IL1RAPL1: variants seen among roughly 807,000 people sequenced by gnomAD.
IL1RAPL1 encodes interleukin 1 receptor accessory protein like 1, also known as interleukin-1 receptor accessory protein-like 1.
IL1RAPL1 carries 3 observed loss-of-function variants against 48.4 expected under a neutral mutation model. That is an observed-to-expected ratio of 0.06 (90% CI 0.03 to 0.16). The LOEUF (loss-of-function observed/expected upper bound fraction) is 0.16. Ranked by LOEUF, IL1RAPL1 falls within the 10% of genes least tolerant of loss-of-function variation. IL1RAPL1 has a pLI of 1.00. For synonymous variants in IL1RAPL1, 185 were observed against 187.7 expected, an observed-to-expected ratio of 0.99 and a Z score of 0.12; for missense variants, 349 against 530.6, an observed-to-expected ratio of 0.66 and a Z score of 3.36.
rs1177473148 is a variant in IL1RAPL1 at position 29,152,760 on chromosome X, G to A, written c.83-130178G>A. ...TTTGAAATTATGTCAATGTAGATTT[G>A]TTTCAAATGTTAATATATAGTAACC... is the stretch of plus-strand genomic sequence containing the variant. On this transcript the variant is annotated intron_variant, in intron 2 of 10. Transcript: ENST00000378993. Among the ~76,000 whole-genome samples, 4 of 112,121 alleles carry A rather than the reference G, an allele frequency of 3.6e-5. No individual in the cohort carries two copies. The East Asian group carries it at 1.1e-3, about 31-fold the overall frequency.
chrX:29,854,648 A>C (rs935089195), intron 6 of IL1RAPL1, among the ~76,000 whole-genome samples: 2 of 111,130 alleles, frequency 1.8e-5, no homozygotes, highest in African/African-American at 3.3e-5. Context: ...TATACCCTTA[A>C]GTTAATTTTT....
intron 6 of IL1RAPL1, among the ~76,000 whole-genome samples, chrX:29,736,424 C>T (rs1162956688): frequency 9.0e-6 from 1 of 111,684 alleles, no homozygotes; most frequent in African/African-American, 3.3e-5. Context: ...ACATATCACA[C>T]ATGTGTATTA....
chrX:28,948,228 A>C (rs1189046537), intron 2 of IL1RAPL1, among the ~76,000 whole-genome samples: 1 of 111,609 alleles, frequency 9.0e-6, no homozygotes, highest in Non-Finnish European at 1.9e-5. Context: ...TTATTATGTA[A>C]AATTATTTAA....
At chrX:29,799,253 T>C (rs1929821443) in intron 6 of IL1RAPL1, among the ~76,000 whole-genome samples, 1 of 112,619 alleles carries the variant, frequency 8.9e-6, no homozygotes, top group African/African-American at 3.2e-5. Context: ...GCTGTTTCGT[T>C]ATACTTTTCT....
chrX:29,016,147 TCA>T (rs1926236171), intron 2 of IL1RAPL1, among the ~76,000 whole-genome samples: 1 of 111,591 alleles, frequency 9.0e-6, no homozygotes, highest in Non-Finnish European at 1.9e-5. Flanking sequence ...GGTCTCAAAC[TCA>T]CAGAGTAGTG....
chrX:28,956,717 A>G (rs1347974367), intron 2 of IL1RAPL1, among the ~76,000 whole-genome samples: 1 of 108,919 alleles, frequency 9.2e-6, no homozygotes, highest in African/African-American at 3.4e-5. Context: ...ATTGGTCTAA[A>G]GTTCTCTTTT....
intron 2 of IL1RAPL1, among the ~76,000 whole-genome samples, chrX:29,238,924 C>G (rs1179844996): frequency 9.0e-6 from 1 of 111,643 alleles, no homozygotes; most frequent in Non-Finnish European, 1.9e-5. Flanking sequence ...ATTTTCAAAA[C>G]AAAACAAAGA....
chrX:28,790,280 T>C (rs1936520939), intron 2 of IL1RAPL1, among the ~76,000 whole-genome samples: 1 of 112,269 alleles, frequency 8.9e-6, no homozygotes, highest in Admixed American at 9.4e-5. Context: ...GATGAGATAA[T>C]GTACAAGAGG....
At chrX:29,861,931 C>A (rs1281371916) in intron 6 of IL1RAPL1, among the ~76,000 whole-genome samples, 1 of 111,007 alleles carries the variant, frequency 9.0e-6, no homozygotes, top group Non-Finnish European at 1.9e-5. Flanking sequence ...GGGTGAGGGC[C>A]ATGGCTCATG....
intron 2 of IL1RAPL1, among the ~76,000 whole-genome samples, chrX:29,094,475 T>C (rs1251386316): frequency 9.2e-6 from 1 of 108,434 alleles, no homozygotes; most frequent in Non-Finnish European, 1.9e-5. Context: ...AAACATCTAT[T>C]GGCTGGGCAT....
Position 29,803,091 on chromosome X carries a change from G to GTA in IL1RAPL1, c.779-114370_779-114369dup, listed in dbSNP as rs1324439936. Among the ~76,000 whole-genome samples the GTA allele has an allele frequency of 7.9e-5, 7 of 88,074 alleles. No individual in the cohort carries two copies. The East Asian group carries it at 1.5e-3, about 19-fold the overall frequency. The allele number at this position is 88,074 out of a possible 115,157, so 76.5% of individuals were successfully genotyped here. On this transcript the variant is annotated intron_variant, in intron 6 of 10. Transcript: ENST00000378993. ...TGCATGTATACATATATGTGTATATGTATACATGTATACATATATGTATAT... is the reference window on the plus strand; with the variant it reads ...TGCATGTATACATATATGTGTATATGTATATACATGTATACATATATGTATAT...
At chrX:29,949,915 G>C (rs765135642) in intron 9 of IL1RAPL1, among the ~76,000 whole-genome samples, 1 of 112,207 alleles carries the variant, frequency 8.9e-6, no homozygotes, top group Admixed American at 9.4e-5. Flanking sequence ...GCTGAATTTA[G>C]TATGGCATCT....
At chrX:29,059,564 A>G (rs1457138149) in intron 2 of IL1RAPL1, among the ~76,000 whole-genome samples, 1 of 111,762 alleles carries the variant, frequency 8.9e-6, no homozygotes, top group Non-Finnish European at 1.9e-5. Flanking sequence ...ATTTTTGGGG[A>G]ATGACAAAAA....
chrX:29,336,091 G>A (rs374140473), intron 3 of IL1RAPL1, among the ~76,000 whole-genome samples: 14 of 103,216 alleles, frequency 1.4e-4, no homozygotes, highest in East Asian at 5.9e-4. Context: ...TATATTATAC[G>A]TATATATTTT....
chrX:29,888,131 A>ATT (rs34603125), intron 6 of IL1RAPL1, among the ~76,000 whole-genome samples: 1 of 107,552 alleles, frequency 9.3e-6, no homozygotes, highest in African/African-American at 3.4e-5. Context: ...AGAAGTTAGG[A>ATT]TTTTTTTTTT....
At chrX:29,130,228 T>C (rs1157249835) in intron 2 of IL1RAPL1, among the ~76,000 whole-genome samples, 1 of 112,159 alleles carries the variant, frequency 8.9e-6, no homozygotes. Flanking sequence ...GATTTTTGTA[T>C]ACAAATGCTA....
At chrX:28,796,037 C>A (rs1171751199) in intron 2 of IL1RAPL1, among the ~76,000 whole-genome samples, 1 of 111,608 alleles carries the variant, frequency 9.0e-6, no homozygotes, top group East Asian at 2.8e-4. Context: ...ACATGGATGG[C>A]AGCAGGCAAA....
intron 9 of IL1RAPL1, 86 bp downstream of exon 9, chrX:29,941,880 G>C (rs1933135426): frequency 1.2e-6 from 1 of 865,750 alleles, no homozygotes; most frequent in African/African-American, 2.0e-5. Flanking sequence ...AAAATTACGT[G>C]CATAATCAAT....
chrX:29,784,674 T>C (rs1020267171), intron 6 of IL1RAPL1, among the ~76,000 whole-genome samples: 2 of 76,409 alleles, frequency 2.6e-5, no homozygotes, highest in South Asian at 1.3e-3. Context: ...TGGATTTTCT[T>C]ATTATCTTAA....
Sources: allele counts gnomAD v4.1 joint callset (sites outside exome capture counted in the v4.1 genomes callset), GRCh38; gene constraint gnomAD v4.1.1; transcripts MANE v1.5; gene names NCBI Gene and HGNC (gene_info 2026-07-23, HGNC 2026-07-21).